Variants in FYB1 observed in about 807,000 individuals in gnomAD.
FYB1 encodes FYN-binding protein 1.
In FYB1, 41 loss-of-function variants were observed where a neutral mutation model predicts 94.1. The ratio of observed to expected loss-of-function variants is 0.44; its 90% confidence interval spans 0.34 to 0.57. FYB1 has a LOEUF of 0.57. Ranked by LOEUF, FYB1 falls within the 20% of genes least tolerant of loss-of-function variation. The pLI is 0.02. For synonymous variants in FYB1, 367 were observed against 353.2 expected (o/e 1.04, Z -0.44); for missense variants, 1,050 against 976.8 (o/e 1.07, Z -1.00).
intron 2 of FYB1, among the ~76,000 whole-genome samples, chr5:39,167,606 G>A (rs1008312388): frequency 6.6e-5 from 10 of 152,154 alleles, no homozygotes; most frequent in Non-Finnish European, 1.2e-4. Context: ...GATAGTCCAG[G>A]TTTGTTCAGT....
intron 1 of FYB1, among the ~76,000 whole-genome samples, chr5:39,248,871 C>T (rs2150605381): frequency 6.6e-6 from 1 of 152,244 alleles, no homozygotes; most frequent in Non-Finnish European, 1.5e-5. Flanking sequence ...AAATATTCCC[C>T]TTAGAATGGA....
At chr5:39,138,489 G>A in intron 6 of FYB1, 168 bp downstream of exon 6, 1 of 495,496 alleles carries the variant, frequency 2.0e-6, no homozygotes, top group South Asian at 3.1e-5. Context: ...AATTCTTAGA[G>A]AACTAAATAA....
Position 39,202,366 on chromosome 5 carries a change from C to T in FYB1, c.595G>A (p.Gly199Ser), listed in dbSNP as rs761334774. 6.2e-6 allele frequency: 10 copies of T among 1,613,766 alleles called. No individual in the cohort carries two copies. Among genetic ancestry groups the T allele is most frequent in the Middle Eastern group, 3.3e-4 (2 of 6,080 alleles). Residue 199 changes from glycine (G) to serine (S), a missense_variant, in exon 2 of 19, where the codon GGC (glycine) becomes AGC (serine). Physicochemically the swap from Gly to Ser is moderately conservative, Grantham distance 56. Transcript: ENST00000512982. ...PKPLFPKPAF[G>S]QKPPLSTENS... ...TCGGTACTTAGGGGCGGCTTCTGGC[C>T]AAAGGCGGGTTTGGGGAAGAGGGGC...
chr5:39,185,415 A>G (rs950630893), intron 2 of FYB1, among the ~76,000 whole-genome samples: 2 of 151,494 alleles, frequency 1.3e-5, no homozygotes, highest in African/African-American at 4.9e-5. Context: ...CCCCTTAGAT[A>G]TGTGATTAAA....
chr5:39,266,444 T>C (rs138052108), intron 1 of FYB1, among the ~76,000 whole-genome samples: 3 of 152,340 alleles, frequency 2.0e-5, no homozygotes, highest in African/African-American at 7.2e-5. Flanking sequence ...AATCTAAATA[T>C]CTAATGTATC....
chr5:39,220,726 C>T (rs1446810325), upstream of FYB1, among the ~76,000 whole-genome samples: 14 of 152,184 alleles, frequency 9.2e-5, no homozygotes, highest in Admixed American at 6.6e-4. Flanking sequence ...ATCTTACAGA[C>T]GTTATGCCAG....
At chr5:39,139,346 G>A in intron 4 of FYB1, 94 bp from the exon 5 acceptor site, 1 of 1,048,982 alleles carries the variant, frequency 9.5e-7, no homozygotes. Flanking sequence ...ATTCAAAATA[G>A]TTCATAATCT....
At chr5:39,187,545 TG>T (rs1746947263) in intron 2 of FYB1, among the ~76,000 whole-genome samples, 1 of 152,300 alleles carries the variant, frequency 6.6e-6, no homozygotes, top group Non-Finnish European at 1.5e-5. Flanking sequence ...CAGTTGCACT[TG>T]GGCAATAATC....
rs1741461160 is a variant in FYB1, at chr5:39,134,300, T to C, written c.1725A>G (p.Lys575=). ...TAVEIDYDSL[K]LKKDSLGAPS... is the part of the protein sequence containing the mutation. ...GGGCACCAAGAGAGTCTTTTTTCAG[T>C]TTCAAAGAATCATAGTCAATCTCTA... is the stretch of plus-strand genomic sequence containing the variant. The change falls in exon 9 of 19, where the codon AAA becomes AAG. Residue 575 remains lysine (K), a synonymous_variant. Coordinates refer to ENST00000512982, the MANE Select transcript of FYB1 (RefSeq NM_001465.6). The C allele has an allele frequency of 1.2e-6, 2 of 1,611,608 alleles. No individual in the cohort carries two copies. The highest frequency in any genetic ancestry group is 1.7e-6 in the Non-Finnish European group (2 of 1,178,064).
chr5:39,167,266 T>TC (rs544545151), intron 2 of FYB1, among the ~76,000 whole-genome samples: 193 of 151,998 alleles, frequency 1.3e-3, no homozygotes, highest in Non-Finnish European at 2.5e-3. Context: ...TCTCTCTCTC[T>TC]CTCTGTCTCT....
At chr5:39,215,466 T>C (rs1215243849) in intron 1 of FYB1, among the ~76,000 whole-genome samples, 2 of 152,198 alleles carry the variant, frequency 1.3e-5, no homozygotes, top group Non-Finnish European at 2.9e-5. Context: ...GGGGGAAGTT[T>C]TTTTAAAGCA....
At chr5:39,220,927 T>A (rs761948902), upstream of FYB1, among the ~76,000 whole-genome samples, 2 of 152,212 alleles carry the variant, frequency 1.3e-5, no homozygotes, top group Non-Finnish European at 1.5e-5. Context: ...ACAATGATGA[T>A]GACAACAATG....
chr5:39,259,815 C>A (rs1281325002), intron 1 of FYB1, among the ~76,000 whole-genome samples: 1 of 152,134 alleles, frequency 6.6e-6, no homozygotes, highest in Non-Finnish European at 1.5e-5. Context: ...GAAATACAAA[C>A]TTTATCATTA....
At chr5:39,192,620 C>G (rs1747463237) in intron 2 of FYB1, among the ~76,000 whole-genome samples, 1 of 152,188 alleles carries the variant, frequency 6.6e-6, no homozygotes, top group African/African-American at 2.4e-5. Context: ...TTGCCCTAAG[C>G]TATGCTATTT....
At chr5:39,272,002 A>C (rs142363889) in intron 1 of FYB1, among the ~76,000 whole-genome samples, 1 of 151,912 alleles carries the variant, frequency 6.6e-6, no homozygotes, top group African/African-American at 2.4e-5. Context: ...GTCTGTTAGA[A>C]TAGAGATCAT....
chr5:39,158,878 T>G (rs74540260), intron 2 of FYB1, among the ~76,000 whole-genome samples: 8,074 of 152,196 alleles, frequency 0.053, 702 homozygotes, highest in African/African-American at 0.18. Flanking sequence ...TCTAATTCTG[T>G]TTTTCTTGGG....
chr5:39,247,187 T>C (rs1422399757), intron 1 of FYB1, among the ~76,000 whole-genome samples: 1 of 148,616 alleles, frequency 6.7e-6, no homozygotes, highest in Non-Finnish European at 1.5e-5. Context: ...AGCCTTAAAA[T>C]TTAAATAGTC....
intron 16 of FYB1, among the ~76,000 whole-genome samples, chr5:39,118,309 A>T (rs1739756530): frequency 6.6e-6 from 1 of 152,178 alleles, no homozygotes; most frequent in African/African-American, 2.4e-5. Context: ...AGGAAATGAA[A>T]ACAAGTGAAT....
intron 10 of FYB1, 61 bp downstream of exon 10, chr5:39,130,529 T>C (rs1741098923): frequency 1.0e-5 from 14 of 1,352,266 alleles, no homozygotes; most frequent in African/African-American, 1.4e-5. Flanking sequence ...ATGTGCTCCA[T>C]AAATACATGC....
Sources: gnomAD v4.1 joint callset for allele counts (sites outside exome capture counted in the v4.1 genomes callset) on GRCh38, gnomAD v4.1.1 for gene constraint, MANE v1.5 for transcripts, NCBI Gene and HGNC (gene_info 2026-07-23, HGNC 2026-07-21) for gene names.